Variants in ADGRB3 observed in about 807,000 individuals in gnomAD.
The protein encoded by ADGRB3 is adhesion G protein-coupled receptor B3.
A neutral mutation model predicts 193.4 loss-of-function variants in ADGRB3; 37 were observed. The ratio of observed to expected loss-of-function variants is 0.19; its 90% confidence interval spans 0.15 to 0.25. ADGRB3 has a LOEUF of 0.25. ADGRB3 is among the 10% of genes least tolerant of loss of function. The probability of loss-of-function intolerance (pLI) is 1.00; values close to 1 mark genes in which losing one functional copy is unlikely to be tolerated. For missense variants in ADGRB3, 1,637 were observed against 1,852.9 expected (o/e 0.88, Z 2.14); for synonymous variants, 690 against 644.2 (o/e 1.07, Z -1.08).
At chr6:68,825,446 A>T (rs1301337549) in intron 3 of ADGRB3, among the ~76,000 whole-genome samples, 1 of 151,804 alleles carries the variant, frequency 6.6e-6, no homozygotes, top group Non-Finnish European at 1.5e-5. Context: ...AAGGGAATGC[A>T]TACATATATG....
At chr6:68,827,699 G>T (rs1424477958) in intron 3 of ADGRB3, among the ~76,000 whole-genome samples, 1 of 151,960 alleles carries the variant, frequency 6.6e-6, no homozygotes, top group East Asian at 1.9e-4. Flanking sequence ...TGTGGTTTGG[G>T]CTTTTAGGGG....
intron 17 of ADGRB3, among the ~76,000 whole-genome samples, chr6:69,171,769 C>G (rs1338952167): frequency 2.6e-5 from 4 of 152,110 alleles, no homozygotes; most frequent in Non-Finnish European, 5.9e-5. Flanking sequence ...AAAAAAAAGC[C>G]CTTTATTACT....
chr6:68,916,136 A>T (rs1323047057), intron 3 of ADGRB3, among the ~76,000 whole-genome samples: 1 of 152,102 alleles, frequency 6.6e-6, no homozygotes, highest in Non-Finnish European at 1.5e-5. Flanking sequence ...AAGGAGTTGA[A>T]ATCATTTTAA....
intron 17 of ADGRB3, among the ~76,000 whole-genome samples, chr6:69,099,449 C>T (rs1772971428): frequency 6.6e-6 from 1 of 152,166 alleles, no homozygotes; most frequent in Non-Finnish European, 1.5e-5. Context: ...GTTTCAGAGA[C>T]TCCTGCTATG....
chr6:69,251,914 T>G (rs1766631891), intron 20 of ADGRB3, among the ~76,000 whole-genome samples: 1 of 152,166 alleles, frequency 6.6e-6, no homozygotes, highest in Admixed American at 6.5e-5. Context: ...CCCTTTCTAA[T>G]TGAAGTTAAA....
chr6:68,667,543 GATAA>G (rs1768833205), intron 3 of ADGRB3, among the ~76,000 whole-genome samples: 2 of 151,822 alleles, frequency 1.3e-5, no homozygotes, highest in South Asian at 4.1e-4. Flanking sequence ...ATGTGTTTCA[GATAA>G]ATATTTACAT....
intron 4 of ADGRB3, among the ~76,000 whole-genome samples, chr6:68,931,139 A>C (rs1767325831): frequency 6.6e-6 from 1 of 151,960 alleles, no homozygotes; most frequent in African/African-American, 2.4e-5. Flanking sequence ...TAAAAAATTT[A>C]ATAATTTTTA....
At chr6:68,887,091 A>T (rs1765931557) in intron 3 of ADGRB3, among the ~76,000 whole-genome samples, 1 of 151,946 alleles carries the variant, frequency 6.6e-6, no homozygotes, top group African/African-American at 2.4e-5. Flanking sequence ...ACACACATAC[A>T]TATATGTGGG....
At position 68,840,201 on chromosome 6, in the gene ADGRB3, C is replaced by T. The variant is rs115376576; in HGVS notation, c.758-90358C>T. ...TCAGAGCAAGTGTATTTGGGGGACA[C>T]GTGAACTAGTAAGACACCAAGCTGG... On this transcript the variant is annotated intron_variant, in intron 3 of 31. Coordinates refer to ENST00000370598, the MANE Select transcript of ADGRB3 (RefSeq NM_001704.3). Among the ~76,000 whole-genome samples the T allele has an allele frequency of 4.5e-3, 685 of 151,972 alleles. 4 individuals are homozygous for T. Among genetic ancestry groups the T allele is most frequent in the African/African-American group, 0.011 (448 of 41,408 alleles).
At chr6:69,043,298 A>AAGGAAGAAAGAG (rs1165493234) in intron 13 of ADGRB3, among the ~76,000 whole-genome samples, 15 of 121,314 alleles carry the variant, frequency 1.2e-4, no homozygotes, top group African/African-American at 4.2e-4. Flanking sequence ...GAGAGAAAGA[A>AAGGAAGAAAGAG]AGAAAGAAAG....
chr6:69,131,601 A>G (rs1248113620), intron 17 of ADGRB3, among the ~76,000 whole-genome samples: 1 of 152,088 alleles, frequency 6.6e-6, no homozygotes, highest in Admixed American at 6.6e-5. Context: ...AAATTTTATA[A>G]CAAGTACATT....
intron 6 of ADGRB3, among the ~76,000 whole-genome samples, chr6:68,954,427 A>G (rs529555601): frequency 2.4e-4 from 36 of 152,246 alleles, no homozygotes; most frequent in African/African-American, 8.7e-4. Flanking sequence ...AACAGTCTAT[A>G]TTACATTCCA....
intron 20 of ADGRB3, among the ~76,000 whole-genome samples, chr6:69,313,591 T>C (rs1768244991): frequency 6.6e-6 from 1 of 151,680 alleles, no homozygotes. Flanking sequence ...TATCCTTGGT[T>C]TTGAGTGCCT....
At chr6:69,009,642 TC>T (rs1582391024) in intron 11 of ADGRB3, among the ~76,000 whole-genome samples, 1 of 152,170 alleles carries the variant, frequency 6.6e-6, no homozygotes, top group South Asian at 2.1e-4. Context: ...TGCATCCTTA[TC>T]CTAATGGCTT....
rs924369008 is a variant in ADGRB3 at position 69,332,100 on chromosome 6, A to T, written c.3103-823A>T. The T allele has an allele frequency of 4.1e-6, 4 of 985,268 alleles. No homozygotes were observed. The African/African-American group carries it at 5.2e-5, about 13-fold the overall frequency. 61.0% of individuals were successfully genotyped at this position (985,268 alleles called of 1,614,324 possible). A position where few individuals can be genotyped will look rare whatever the true frequency, so the allele number is the denominator to read the frequency against. ...AGAAGAACATATTTTTCATTTACTC[A>T]TTGGACTGGATTCCTTGATCAGAAA... On this transcript the variant is annotated intron_variant, in intron 23 of 31. Coordinates refer to ENST00000370598, the MANE Select transcript of ADGRB3 (RefSeq NM_001704.3).
intron 20 of ADGRB3, among the ~76,000 whole-genome samples, chr6:69,257,390 T>G (rs1036535455): frequency 1.3e-5 from 2 of 152,228 alleles, no homozygotes; most frequent in Non-Finnish European, 2.9e-5. Context: ...AGCCTGTTAT[T>G]GGTCTATTCA....
chr6:68,943,645 A>G (rs1480618767), intron 5 of ADGRB3, among the ~76,000 whole-genome samples, 185 bp from the exon 6 acceptor site: 1 of 152,310 alleles, frequency 6.6e-6, no homozygotes, highest in East Asian at 1.9e-4. Context: ...GCAATTTTTC[A>G]TTATTTTAAC....
chr6:68,741,231 A>G (rs186962565), intron 3 of ADGRB3, among the ~76,000 whole-genome samples: 101 of 152,328 alleles, frequency 6.6e-4, no homozygotes, highest in Middle Eastern at 3.4e-3. Context: ...AAACTACCAC[A>G]ACAAAAACTA....
Position 68,661,417 on chromosome 6 carries a change from A to G in ADGRB3, c.757+21985A>G, listed in dbSNP as rs1440712303. On this transcript the variant is annotated intron_variant, in intron 3 of 31. Coordinates refer to ENST00000370598, the MANE Select transcript of ADGRB3 (RefSeq NM_001704.3). ...TGTGTATACATATATATGTGTGTGT[A>G]TATATATGTGTATACATATATATAT... Among the ~76,000 whole-genome samples the G allele has an allele frequency of 1.4e-4, 15 of 108,420 alleles. 1 individual carries two copies. The highest frequency in any genetic ancestry group is 6.9e-4 in the East Asian group (3 of 4,318). 71.1% of individuals were successfully genotyped at this position (108,420 alleles called of 152,430 possible). A position where few individuals can be genotyped will look rare whatever the true frequency, so the allele number is the denominator to read the frequency against.
Sources: allele counts gnomAD v4.1 joint callset (sites outside exome capture counted in the v4.1 genomes callset), GRCh38; gene constraint gnomAD v4.1.1; transcripts MANE v1.5; gene names NCBI Gene and HGNC (gene_info 2026-07-23, HGNC 2026-07-21).